The following HIVEP2 variants were observed in gnomAD, a reference collection of about 807,000 sequenced individuals.
HIVEP2 encodes the protein HIVEP zinc finger 2.
In HIVEP2, 14 loss-of-function variants were observed where a neutral mutation model predicts 180.7. That is an observed-to-expected ratio of 0.08 (90% confidence interval 0.05 to 0.12). The LOEUF (loss-of-function observed/expected upper bound fraction) is 0.12. Among genes scored for constraint, HIVEP2 ranks in the 10% least tolerant of loss-of-function variants. The pLI is 1.00. For missense variants in HIVEP2, 2,579 were observed against 3,008.5 expected, an observed-to-expected ratio of 0.86 and a Z score of 3.34; for synonymous variants, 1,184 against 1,136.4, an observed-to-expected ratio of 1.04 and a Z score of -0.84.
At chr6:142,846,142 C>A (rs1160596338) in intron 1 of HIVEP2, among the ~76,000 whole-genome samples, 2 of 152,176 alleles carry the variant, frequency 1.3e-5, no homozygotes, top group South Asian at 4.1e-4. Context: ...CGCCTGAGAG[C>A]GGCAGGGGAG....
At chr6:142,933,032 A>G (rs917980187) in intron 1 of HIVEP2, among the ~76,000 whole-genome samples, 2 of 152,232 alleles carry the variant, frequency 1.3e-5, no homozygotes, top group South Asian at 4.1e-4. Flanking sequence ...TTGTATCACA[A>G]TGAAAGGAAG....
At position 142,897,293 on chromosome 6, in the gene HIVEP2, C is replaced by A. The variant is rs565475397; in HGVS notation, c.-641+47806G>T. Among the ~76,000 whole-genome samples the A allele has an allele frequency of 3.3e-5, 5 of 152,230 alleles. No individual in the cohort carries two copies. In the South Asian group the frequency reaches 1.0e-3, roughly 32 times the overall value. ...ACCCTCATGCATGTTAGAAGGGGCA[C>A]AAATTGGCATACCTGCTTTAAAAAG... On this transcript the variant is annotated intron_variant, in intron 1 of 9. Transcript: ENST00000367603.
At chr6:142,809,046 C>T (rs1253769436) in intron 2 of HIVEP2, among the ~76,000 whole-genome samples, 1 of 152,046 alleles carries the variant, frequency 6.6e-6, no homozygotes, top group Non-Finnish European at 1.5e-5. Context: ...AGGTCTTTCA[C>T]AGAATACGTG....
At chr6:142,860,447 A>G (rs1298553328) in intron 1 of HIVEP2, among the ~76,000 whole-genome samples, 1 of 152,188 alleles carries the variant, frequency 6.6e-6, no homozygotes, top group Non-Finnish European at 1.5e-5. Context: ...CACTGCATGT[A>G]TTGTACACTT....
intron 1 of HIVEP2, among the ~76,000 whole-genome samples, chr6:142,855,511 G>C (rs1775795887): frequency 6.6e-6 from 1 of 152,100 alleles, no homozygotes; most frequent in African/African-American, 2.4e-5. Flanking sequence ...AAACAAAATG[G>C]GCACAAACAG....
rs1775189955 is a variant in HIVEP2 at position 142,760,216 on chromosome 6, C to T, written c.6072G>A (p.Glu2024=). ...DRLDIPSCMD[E]ECMLPSEPSS... ...TTGGCTCTGAAGGTAGCATGCACTC[C>T]TCATCCATACAACTAGGTATGTCCA... The change falls in exon 9 of 10, where the codon GAG becomes GAA. Residue 2024 remains glutamate, a synonymous_variant. Coordinates refer to ENST00000367603, the MANE Select transcript of HIVEP2 (RefSeq NM_006734.4). The T allele has an allele frequency of 6.2e-7, 1 of 1,614,140 alleles. No homozygotes were observed. Among genetic ancestry groups the T allele is most frequent in the Non-Finnish European group, 8.5e-7 (1 of 1,180,006 alleles).
intron 1 of HIVEP2, among the ~76,000 whole-genome samples, chr6:142,902,723 T>C (rs1012575873): frequency 1.3e-5 from 2 of 152,192 alleles, no homozygotes; most frequent in Non-Finnish European, 2.9e-5. Context: ...CTGGCAGCTA[T>C]TTAAATAGGC....
chr6:142,774,184 C>T lies in HIVEP2; in HGVS notation c.555G>A (p.Lys185=), dbSNP rs1775629690. 5 of 1,614,000 alleles carry T rather than the reference C, an allele frequency of 3.1e-6. No individual in the cohort carries two copies. Among genetic ancestry groups the T allele is most frequent in the Non-Finnish European group, 4.2e-6 (5 of 1,180,056 alleles). ...AGTAAGGGCAAATGTACTTGCCAGG[C>T]TTTTTGGGTTTGTGCTCTTTCTTGT... is the stretch of plus-strand genomic sequence containing the variant. ...EAHKKEHKPK[K]PGKYICPYCS... Residue 185 remains lysine, a synonymous_variant, in exon 5 of 10, where the codon AAG becomes AAA. Coordinates refer to ENST00000367603, the MANE Select transcript of HIVEP2 (RefSeq NM_006734.4). The surrounding 1 kb of genome is among the most constrained non-coding windows in gnomAD (Gnocchi z 5.1).
At chr6:142,868,651 C>T (rs1033886202) in intron 1 of HIVEP2, among the ~76,000 whole-genome samples, 1 of 152,146 alleles carries the variant, frequency 6.6e-6, no homozygotes. Flanking sequence ...AACTACAATA[C>T]TACTTCCATC....
At chr6:142,856,847 C>G (rs1199936517) in intron 1 of HIVEP2, among the ~76,000 whole-genome samples, 3 of 152,218 alleles carry the variant, frequency 2.0e-5, no homozygotes, top group Non-Finnish European at 4.4e-5. Flanking sequence ...ACTGAGCCCA[C>G]AGCAGGAAGT....
At chr6:142,766,334 C>A (rs935433981) in intron 6 of HIVEP2, among the ~76,000 whole-genome samples, 1 of 152,060 alleles carries the variant, frequency 6.6e-6, no homozygotes, top group Non-Finnish European at 1.5e-5. Flanking sequence ...AATTTCCCCC[C>A]TTTTACCAGG....
intron 1 of HIVEP2, among the ~76,000 whole-genome samples, chr6:142,904,319 A>G (rs1777209263): frequency 6.6e-6 from 1 of 152,206 alleles, no homozygotes; most frequent in African/African-American, 2.4e-5. Flanking sequence ...TTCCGGAAAA[A>G]TTAGTAATTA....
chr6:142,868,700 A>G (rs1280016005), intron 1 of HIVEP2, among the ~76,000 whole-genome samples: 2 of 152,214 alleles, frequency 1.3e-5, no homozygotes, highest in Non-Finnish European at 2.9e-5. Context: ...GATCATTATT[A>G]TAAATTAATT....
chr6:142,787,710 C>T (rs1224662152), intron 2 of HIVEP2, among the ~76,000 whole-genome samples: 1 of 151,964 alleles, frequency 6.6e-6, no homozygotes, highest in Non-Finnish European at 1.5e-5. Context: ...CATACATTGA[C>T]AGGATGATGA....
chr6:142,882,246 G>A (rs1189462961), intron 1 of HIVEP2, among the ~76,000 whole-genome samples: 1 of 152,100 alleles, frequency 6.6e-6, no homozygotes, highest in African/African-American at 2.4e-5. Context: ...TTAAAACTTG[G>A]ATAATCACTA....
chr6:142,789,885 A>C (rs1776097111), intron 2 of HIVEP2, among the ~76,000 whole-genome samples: 2 of 152,204 alleles, frequency 1.3e-5, no homozygotes, highest in African/African-American at 4.8e-5. Context: ...AATGTTTATC[A>C]ATTTTTATAC....
intron 2 of HIVEP2, among the ~76,000 whole-genome samples, chr6:142,831,865 G>A (rs1775093183): frequency 6.6e-6 from 1 of 152,082 alleles, no homozygotes; most frequent in Non-Finnish European, 1.5e-5. Flanking sequence ...CCTGTGTCCA[G>A]GTATCGATTT....
intron 2 of HIVEP2, among the ~76,000 whole-genome samples, chr6:142,821,702 A>G (rs1438404421): frequency 6.6e-6 from 1 of 152,252 alleles, no homozygotes; most frequent in Non-Finnish European, 1.5e-5. Flanking sequence ...TTAATTTAAC[A>G]AAGCCCACTG....
chr6:142,818,790 A>AAAGAAAGG (rs1205323346), intron 2 of HIVEP2, among the ~76,000 whole-genome samples: 1 of 138,112 alleles, frequency 7.2e-6, no homozygotes. Context: ...AGAAAGAAAG[A>AAAGAAAGG]AAAAGAAAAG....
Sources: gnomAD v4.1 joint callset for allele counts (sites outside exome capture counted in the v4.1 genomes callset) on GRCh38, gnomAD v4.1.1 for gene constraint, Gnocchi (gnomAD v3.1) non-coding constraint, MANE v1.5 for transcripts, NCBI Gene and HGNC (gene_info 2026-07-23, HGNC 2026-07-21) for gene names.